The following PPFIA3 variants were observed in gnomAD, a reference collection of about 807,000 sequenced individuals.
The protein encoded by PPFIA3 is PPFI scaffold protein A3.
A neutral mutation model predicts 145.8 loss-of-function variants in PPFIA3; 26 were observed. That is an observed-to-expected ratio of 0.18 (90% CI 0.13 to 0.25). PPFIA3 has a LOEUF of 0.25. Ranked by LOEUF, PPFIA3 falls within the 10% of genes least tolerant of loss-of-function variation. PPFIA3 has a pLI of 1.00. For synonymous variants in PPFIA3, 645 were observed against 661.4 expected (o/e 0.98, Z 0.38); for missense variants, 1,008 against 1,587.8 (o/e 0.63, Z 6.21).
At chr19:49,144,502 C>A (rs1457272458) in intron 21 of PPFIA3, among the ~76,000 whole-genome samples, 1 of 151,842 alleles carries the variant, frequency 6.6e-6, no homozygotes, top group Admixed American at 6.6e-5. Context: ...TCTCTTGAAC[C>A]CGGGAGTTCG....
chr19:49,135,629 C>G, intron 13 of PPFIA3, 150 bp from the exon 14 acceptor site: 1 of 790,318 alleles, frequency 1.3e-6, no homozygotes, highest in African/African-American at 1.8e-5. Flanking sequence ...CTCAGCCTCC[C>G]AAAGTGCTGG....
chr19:49,130,018 C>G lies in PPFIA3; in HGVS notation c.608C>G (p.Ser203Cys). Residue 203 changes from serine (S) to cysteine (C), a missense_variant, in exon 6 of 30, where the codon TCT becomes TGT. Ser to Cys is a moderately radical substitution (Grantham distance 112). Transcript: ENST00000334186. This position sits in a 1 kb window ranked among gnomAD's most constrained non-coding sequence, Gnocchi z 4.5. ...QETLNLREQLSRRRSGLEEPG... is the reference protein window; with the variant it reads ...QETLNLREQLCRRRSGLEEPG... ...ACTCTGAACCTTCGAGAACAGCTGT[C>G]TAGGCGGCGGTCAGGGCTGGAAGAG... The G allele has an allele frequency of 6.2e-7, 1 of 1,613,694 alleles. No homozygotes were observed. The highest frequency in any genetic ancestry group is 1.1e-5 in the South Asian group (1 of 91,064).
chr19:49,129,103 TG>T, intron 4 of PPFIA3, 91 bp downstream of exon 4: 1 of 1,372,760 alleles, frequency 7.3e-7, no homozygotes, highest in South Asian at 1.4e-5. Flanking sequence ...CGTGATTGGT[TG>T]GGGATGTTCT....
chr19:49,131,165 CTTTTTTTTTTTT>C (rs74182040), intron 7 of PPFIA3, among the ~76,000 whole-genome samples: 2 of 102,086 alleles, frequency 2.0e-5, no homozygotes, highest in Admixed American at 1.1e-4. Context: ...CACCCAGCCT[CTTTTTTTTTTTT>C]TTTTTTTTTG....
intron 23 of PPFIA3, 72 bp from the exon 24 acceptor site, chr19:49,148,011 C>T: frequency 6.8e-7 from 1 of 1,480,320 alleles, no homozygotes. Flanking sequence ...GGAGGTTGGA[C>T]TGTACCCCTC....
At chr19:49,148,603 G>T (rs867473721) in intron 24 of PPFIA3, 63 bp from the exon 25 acceptor site, 1 of 1,319,618 alleles carries the variant, frequency 7.6e-7, no homozygotes. Flanking sequence ...GGAGGGACCC[G>T]TAGGAGCAGC....
In PPFIA3 at chr19:49,134,177, A is replaced by G. The variant is rs761661995; in HGVS notation, c.1377+12A>G. 2 of 1,594,770 alleles carry G rather than the reference A, an allele frequency of 1.3e-6. No homozygotes were observed. Among genetic ancestry groups the G allele is most frequent in the Admixed American group, 3.7e-5 (2 of 54,716 alleles). ...CGCTGGAGGAGAAGGTGCGCCCCCC[A>G]TACAGGACTGCGGGACGCGGAATTC... On this transcript the variant is annotated intron_variant, in intron 11 of 29. Coordinates refer to ENST00000334186, the MANE Select transcript of PPFIA3 (RefSeq NM_003660.4).
chr19:49,135,614 C>G (rs1441229327), intron 13 of PPFIA3, among the ~76,000 whole-genome samples, 165 bp from the exon 14 acceptor site: 3 of 152,172 alleles, frequency 2.0e-5, no homozygotes, highest in Non-Finnish European at 4.4e-5. Context: ...AAGTTATCTG[C>G]CCACCTCAGC....
intron 1 of PPFIA3, among the ~76,000 whole-genome samples, chr19:49,126,261 T>A (rs1318784814): frequency 6.6e-6 from 1 of 151,902 alleles, no homozygotes; most frequent in Non-Finnish European, 1.5e-5. Context: ...ACTGTGTTTT[T>A]TTTTTGAAAT....
intron 4 of PPFIA3, 95 bp from the exon 5 acceptor site, chr19:49,129,285 C>T (rs1310041498): frequency 9.8e-6 from 13 of 1,322,544 alleles, no homozygotes; most frequent in African/African-American, 4.4e-5. Flanking sequence ...CAACGCTGCC[C>T]TATCGGATCC....
chr19:49,149,692 T>G lies in PPFIA3; in HGVS notation c.3500T>G (p.Leu1167Arg), dbSNP rs1180990877. The G allele has an allele frequency of 6.2e-7, 1 of 1,611,976 alleles. No individual in the cohort carries two copies. The highest frequency in any genetic ancestry group is 1.7e-5 in the Admixed American group (1 of 59,780). Residue 1167 changes from leucine (L) to arginine (R), a missense_variant, in exon 28 of 30, where the codon CTC becomes CGC. By Grantham distance (102) the Leu-to-Arg change is moderately radical. This residue lies in a region of PPFIA3 where 125 missense variants were observed against 159.3 expected (regional missense o/e 0.78). Coordinates refer to ENST00000334186, the MANE Select transcript of PPFIA3 (RefSeq NM_003660.4). The surrounding 1 kb of genome is among the most constrained non-coding windows in gnomAD (Gnocchi z 5.7). ...AAAGALGSPG[L>R]PLRKLQPEGQ... ...GCGGGAGCCCTGGGCTCTCCGGGGC[T>G]CCCTCTCCGCAAGCTGCAGCCAGAA...
At chr19:49,131,890 G>A (rs2041077251) in intron 7 of PPFIA3, among the ~76,000 whole-genome samples, 1 of 151,754 alleles carries the variant, frequency 6.6e-6, no homozygotes, top group African/African-American at 2.4e-5. Context: ...GGCGCCCGTA[G>A]TCCCAGCTAC....
chr19:49,144,094 C>G (rs1027202236), intron 21 of PPFIA3, among the ~76,000 whole-genome samples: 3 of 151,996 alleles, frequency 2.0e-5, no homozygotes, highest in African/African-American at 7.2e-5. Context: ...CAACCTCTGC[C>G]TCCTGGGTGC....
Position 49,128,295 on chromosome 19 carries a change from C to A in PPFIA3, c.241-72C>A. ...CAGGGAGGGCGGGACCTTCAAACTT[C>A]CAGTCCCAGTGAATGAAGGAGACAG... On this transcript the variant is annotated intron_variant, in intron 2 of 29. Transcript: ENST00000334186. The surrounding 1 kb of genome is among the most constrained non-coding windows in gnomAD (Gnocchi z 4.1). 1 of 1,562,060 alleles carries A rather than the reference C, an allele frequency of 6.4e-7. No homozygotes were observed. The highest frequency in any genetic ancestry group is 8.8e-7 in the Non-Finnish European group (1 of 1,133,818).
chr19:49,133,683 AGGAGCCTGGCGCTGTGGGGGC>A lies in PPFIA3; in HGVS notation c.1162-99_1162-79del, dbSNP rs944098707. 7.5e-5 allele frequency: 87 copies of A among 1,157,636 alleles called. No homozygotes were observed. Among genetic ancestry groups the A allele is most frequent in the Admixed American group, 2.8e-4 (14 of 50,718 alleles). 71.7% of individuals were successfully genotyped at this position (1,157,636 alleles called of 1,614,324 possible). ...GGGGCCTGACTCAAAGGTGCAGGGG[AGGAGCCTGGCGCTGTGGGGGC>A]GGAGCCTGGCGCTCAGCCTTGGAGG... is the stretch of plus-strand genomic sequence containing the variant. On this transcript the variant is annotated intron_variant, in intron 9 of 29. Coordinates refer to ENST00000334186, the MANE Select transcript of PPFIA3 (RefSeq NM_003660.4). The surrounding 1 kb of genome is among the most constrained non-coding windows in gnomAD (Gnocchi z 7.2).
At chr19:49,124,410 G>A (rs1238867487) in intron 1 of PPFIA3, among the ~76,000 whole-genome samples, 3 of 152,106 alleles carry the variant, frequency 2.0e-5, no homozygotes, top group Admixed American at 2.0e-4. Flanking sequence ...CTGAGTTCTA[G>A]ATTTTATCTG....
At chr19:49,145,018 T>C (rs1296584791) in intron 21 of PPFIA3, among the ~76,000 whole-genome samples, 2 of 150,974 alleles carry the variant, frequency 1.3e-5, no homozygotes, top group African/African-American at 2.4e-5. Flanking sequence ...GCAACCTCCG[T>C]CTCCCTGGTT....
In PPFIA3 at chr19:49,128,780, A is replaced by G. The variant is rs1385075912; in HGVS notation, c.343-68A>G. ...CCTCCATGTGTCCGCCCTACCTGTC[A>G]CCCTTTTTCTCACATCTGCCCCTTT... is the stretch of plus-strand genomic sequence containing the variant. On this transcript the variant is annotated intron_variant, in intron 3 of 29. Coordinates refer to ENST00000334186, the MANE Select transcript of PPFIA3 (RefSeq NM_003660.4). The surrounding 1 kb of genome is among the most constrained non-coding windows in gnomAD (Gnocchi z 4.1). The G allele has an allele frequency of 7.1e-7, 1 of 1,399,132 alleles. No homozygotes were observed. The highest frequency in any genetic ancestry group is 2.2e-5 in the Admixed American group (1 of 45,182). The allele number at this position is 1,399,132 out of a possible 1,614,324, so 86.7% of individuals were successfully genotyped here. A position where few individuals can be genotyped will look rare whatever the true frequency, so the allele number is the denominator to read the frequency against.
intron 24 of PPFIA3, 72 bp downstream of exon 24, chr19:49,148,330 T>C (rs1349316403): frequency 3.3e-6 from 5 of 1,500,558 alleles, no homozygotes; most frequent in Non-Finnish European, 1.8e-6. Context: ...GCCAATAGGA[T>C]TGGCCATGGG....
Sources: gnomAD v4.1 joint callset for allele counts (sites outside exome capture counted in the v4.1 genomes callset) on GRCh38, gnomAD v4.1.1 for gene constraint, gnomAD v4.1.1 regional missense constraint, Gnocchi (gnomAD v3.1) non-coding constraint, MANE v1.5 for transcripts, NCBI Gene and HGNC (gene_info 2026-07-23, HGNC 2026-07-21) for gene names.